The following DNAH1 variants were observed in gnomAD, a reference collection of about 807,000 sequenced individuals.
The protein encoded by DNAH1 is dynein axonemal heavy chain 1, also known as axonemal beta dynein heavy chain 1.
DNAH1 carries 327 observed loss-of-function variants against 484.3 expected under a neutral mutation model. The observed-to-expected ratio is 0.68, with a 90% CI of 0.62 to 0.74. The LOEUF (loss-of-function observed/expected upper bound fraction) is 0.74, where lower values mean the gene tolerates loss of function less well. Among genes scored for constraint, DNAH1 ranks in the 30% least tolerant of loss-of-function variants. The pLI, the probability that DNAH1 is intolerant of heterozygous loss-of-function variation, is 0.00. For synonymous variants in DNAH1, 2,192 were observed against 2,191.9 expected, an observed-to-expected ratio of 1.00 and a Z score of 0.00; for missense variants, 5,052 against 5,546.8, an observed-to-expected ratio of 0.91 and a Z score of 2.83.
In DNAH1 at chr3:52,388,840, G is replaced by A. The variant is rs1208923084; in HGVS notation, c.9398G>A (p.Trp3133Ter). Residue 3133 changes from tryptophan (W) to a stop codon, truncating the protein, a stop_gained, in exon 59 of 78, where the codon TGG (tryptophan) becomes TAG (stop). Transcript: ENST00000420323. LOFTEE classifies it high-confidence loss of function. The stretch of plus-strand genomic sequence containing the variant: ...GGGCTGTCGGATGAGAAGGTGCGCT[G>A]GCAGGAGACGGTGGAGAACCTGCAG... ...INGLSDEKVR[W>*]QETVENLQYM... 6.2e-7 allele frequency: 1 copy of A among 1,613,610 alleles called. No homozygotes were observed.
At chr3:52,393,549 A>G (rs928085604) in intron 66 of DNAH1, 64 bp downstream of exon 66, 13 of 1,590,746 alleles carry the variant, frequency 8.2e-6, no homozygotes, top group Middle Eastern at 3.4e-4. Context: ...GCCTGAGAAC[A>G]GGGTGGAAGG....
Position 52,331,241 on chromosome 3 carries a change from C to G in DNAH1, c.965C>G (p.Thr322Arg). Residue 322 changes from threonine (T) to arginine (R), a missense_variant, in exon 7 of 78, where the codon ACA becomes AGA. Around this residue, in one of 4 missense-constraint regions of DNAH1, gnomAD observed 1,263 missense variants for 1,218.8 expected, o/e 1.04. Transcript: ENST00000420323. Reference protein sequence around the residue: ...EEKKLYLVHKTDEKGLVRDEM... With the variant: ...EEKKLYLVHKRDEKGLVRDEM... Reference sequence around the variant, plus strand: ...AAGAAGCTATACCTGGTACACAAGACAGACGAGAAAGGCCTGGTGCGAGAT... The same window carrying G: ...AAGAAGCTATACCTGGTACACAAGAGAGACGAGAAAGGCCTGGTGCGAGAT... 1 of 1,611,486 alleles carries G rather than the reference C, an allele frequency of 6.2e-7. No individual in the cohort carries two copies. The highest frequency in any genetic ancestry group is 8.5e-7 in the Non-Finnish European group (1 of 1,178,908).
At position 52,366,790 on chromosome 3, in the gene DNAH1, G is replaced by C; in HGVS notation, c.5668G>C (p.Gly1890Arg). ...TSLKGQPSIS[G>R]GMYEAVNYYV... Reference sequence around the variant, plus strand: ...ACTGAAAGGGCAGCCATCCATCAGTGGTGGCATGTACGAGGCTGTCAACTA... The same window carrying C: ...ACTGAAAGGGCAGCCATCCATCAGTCGTGGCATGTACGAGGCTGTCAACTA... The change falls in exon 36 of 78, where the codon GGT becomes CGT. Residue 1890 changes from glycine (G) to arginine (R), a missense_variant. Transcript: ENST00000420323. 1 of 1,613,900 alleles carries C rather than the reference G, an allele frequency of 6.2e-7. No homozygotes were observed. Among genetic ancestry groups the C allele is most frequent in the Non-Finnish European group, 8.5e-7 (1 of 1,179,844 alleles).
At chr3:52,365,114 G>T in intron 34 of DNAH1, 95 bp downstream of exon 34, 3 of 1,472,480 alleles carry the variant, frequency 2.0e-6, no homozygotes, top group Non-Finnish European at 2.7e-6. Flanking sequence ...CCAACCCCAG[G>T]GGCCCTCACA....
chr3:52,361,170 C>T lies in DNAH1; in HGVS notation c.4692C>T (p.Tyr1564=). Residue 1564 remains tyrosine, a synonymous_variant, in exon 29 of 78, where the codon TAC becomes TAT. Coordinates refer to ENST00000420323, the MANE Select transcript of DNAH1 (RefSeq NM_015512.5). The surrounding 1 kb of genome is among the most constrained non-coding windows in gnomAD (Gnocchi z 5.6). The part of the protein sequence containing the change: ...LVITPLTDRC[Y]LTLTGALHLK... ...CCTCCTCTGTCTCCTGCAGGTGCTACCTGACACTGACCGGAGCTCTGCACC... is the reference window on the plus strand; with the variant it reads ...CCTCCTCTGTCTCCTGCAGGTGCTATCTGACACTGACCGGAGCTCTGCACC... 2 of 1,606,276 alleles carry T rather than the reference C, an allele frequency of 1.2e-6. No individual in the cohort carries two copies. The highest frequency in any genetic ancestry group is 1.1e-5 in the South Asian group (1 of 89,504).
chr3:52,354,816 C>T (rs762486485), intron 20 of DNAH1, 27 bp from the exon 21 acceptor site: 3 of 1,610,392 alleles, frequency 1.9e-6, no homozygotes, highest in African/African-American at 2.7e-5. Context: ...CCTCCCAGGA[C>T]TCAGCCTGGC....
chr3:52,339,024 A>G (rs2153223487), intron 8 of DNAH1, among the ~76,000 whole-genome samples: 1 of 151,622 alleles, frequency 6.6e-6, no homozygotes, highest in East Asian at 1.9e-4. Context: ...ACAGAGCCAG[A>G]CTCCGTCTAA....
chr3:52,359,227 G>A lies in DNAH1; in HGVS notation c.4267-19G>A. On this transcript the variant is annotated intron_variant, in intron 25 of 77. Transcript: ENST00000420323. ...GGGCTGCGGCTGTCCAGGTCAGCCT[G>A]CCCATGCTGTCTTCCCAGATGCCCA... is the stretch of plus-strand genomic sequence containing the variant. 1 of 1,559,630 alleles carries A rather than the reference G, an allele frequency of 6.4e-7. No homozygotes were observed. Among genetic ancestry groups the A allele is most frequent in the Non-Finnish European group, 8.7e-7 (1 of 1,151,314 alleles).
At position 52,370,843 on chromosome 3, in the gene DNAH1, C is replaced by G. The variant is rs566131371; in HGVS notation, c.6525+18C>G. On this transcript the variant is annotated intron_variant, in intron 41 of 77. Coordinates refer to ENST00000420323, the MANE Select transcript of DNAH1 (RefSeq NM_015512.5). ...ACAAGCAGGTGGCCGCAGGCCCTCCCCAGAGACTGCACAGGGAGGGACCAC... is the reference window on the plus strand; with the variant it reads ...ACAAGCAGGTGGCCGCAGGCCCTCCGCAGAGACTGCACAGGGAGGGACCAC... 7.6e-6 allele frequency: 12 copies of G among 1,573,124 alleles called. No individual in the cohort carries two copies. Among genetic ancestry groups the G allele is most frequent in the Non-Finnish European group, 1.0e-5 (12 of 1,159,936 alleles).
chr3:52,386,540 G>T, intron 55 of DNAH1, 122 bp from the exon 56 acceptor site: 1 of 1,292,904 alleles, frequency 7.7e-7, no homozygotes, highest in Non-Finnish European at 1.0e-6. Flanking sequence ...GTGGATCTCT[G>T]GATATGCCCG....
chr3:52,399,310 C>A, intron 76 of DNAH1, 109 bp downstream of exon 76: 2 of 1,209,872 alleles, frequency 1.7e-6, no homozygotes, highest in South Asian at 1.5e-5. Flanking sequence ...TAAGCCAGGG[C>A]ATGGAAAGAC....
chr3:52,360,494 A>G, intron 28 of DNAH1, 70 bp downstream of exon 28: 1 of 1,361,668 alleles, frequency 7.3e-7, no homozygotes. Context: ...CCAGGAATCC[A>G]GGGACCATGG....
chr3:52,346,391 C>A, intron 10 of DNAH1, 81 bp from the exon 11 acceptor site: 1 of 1,428,288 alleles, frequency 7.0e-7, no homozygotes, highest in South Asian at 1.4e-5. Context: ...CCCAAGCACC[C>A]TGGTGCATAG....
At chr3:52,344,801 C>T (rs1702080080) in intron 9 of DNAH1, among the ~76,000 whole-genome samples, 154 bp downstream of exon 9, 1 of 152,278 alleles carries the variant, frequency 6.6e-6, no homozygotes, top group Admixed American at 6.5e-5. Flanking sequence ...TGTCCCACTT[C>T]TCCCTGCTGC....
Position 52,392,688 on chromosome 3 carries a change from A to T in DNAH1, c.10277A>T (p.Gln3426Leu). 6.3e-7 allele frequency: 1 copy of T among 1,596,468 alleles called. No individual in the cohort carries two copies. Among genetic ancestry groups the T allele is most frequent in the Non-Finnish European group, 8.5e-7 (1 of 1,171,438 alleles). ...TCCAAGATGAAGGCTGCTGAGATCC[A>T]GGTCAGCTGCTGCCTGCCCACCCAC... ...EASKMKAAEIQAKVRIAEQTE... is the reference protein window; with the variant it reads ...EASKMKAAEILAKVRIAEQTE... Residue 3426 changes from glutamine to leucine, a missense_variant and splice_region_variant, in exon 64 of 78, where the codon CAG (glutamine) becomes CTG (leucine). Around this residue, in one of 4 missense-constraint regions of DNAH1, gnomAD observed 2,929 missense variants for 3,409.4 expected, o/e 0.86. Coordinates refer to ENST00000420323, the MANE Select transcript of DNAH1 (RefSeq NM_015512.5).
chr3:52,378,766 C>A lies in DNAH1; in HGVS notation c.7363C>A (p.Pro2455Thr). The A allele has an allele frequency of 6.2e-7, 1 of 1,613,668 alleles. No individual in the cohort carries two copies. Among genetic ancestry groups the A allele is most frequent in the African/African-American group, 1.3e-5 (1 of 75,040 alleles). ...KVFQGMLMADPAKVEDQVQLL... is the reference protein window; with the variant it reads ...KVFQGMLMADTAKVEDQVQLL... Reference sequence around the variant, plus strand: ...CTTCCAAGGCATGCTCATGGCTGACCCGGCCAAGGTCGAGGTGAGGACCAG... The same window carrying A: ...CTTCCAAGGCATGCTCATGGCTGACACGGCCAAGGTCGAGGTGAGGACCAG... Residue 2455 changes from proline (P) to threonine (T), a missense_variant, in exon 47 of 78, where the codon CCG becomes ACG. By Grantham distance (38) the Pro-to-Thr change is conservative (BLOSUM62 -1). Coordinates refer to ENST00000420323, the MANE Select transcript of DNAH1 (RefSeq NM_015512.5).
At position 52,398,806 on chromosome 3, in the gene DNAH1, G is replaced by C. The variant is rs1297261898; in HGVS notation, c.12090-44G>C. On this transcript the variant is annotated intron_variant, in intron 75 of 77. Transcript: ENST00000420323. ...AGCTGCGGAGCATAGCTACTGCCAC[G>C]TGACCCCAGCCCACTACCTATTCTC... 27 of 1,449,636 alleles carry C rather than the reference G, an allele frequency of 1.9e-5. No homozygotes were observed. In the Middle Eastern group the frequency reaches 1.3e-3, roughly 68 times the overall value. 89.8% of individuals were successfully genotyped at this position (1,449,636 alleles called of 1,614,324 possible). A position where few individuals can be genotyped will look rare whatever the true frequency, so the allele number is the denominator to read the frequency against.
At chr3:52,398,809 AC>A (rs1559578727) in intron 75 of DNAH1, 40 bp from the exon 76 acceptor site, 1 of 1,452,438 alleles carries the variant, frequency 6.9e-7, no homozygotes, top group East Asian at 2.4e-5. Flanking sequence ...CTGCCACGTG[AC>A]CCCAGCCCAC....
intron 22 of DNAH1, among the ~76,000 whole-genome samples, chr3:52,357,083 G>C (rs1168749179): frequency 2.7e-5 from 4 of 145,494 alleles, no homozygotes; most frequent in Non-Finnish European, 6.0e-5. Flanking sequence ...TGCCCAGGCT[G>C]GAGTGCCATG....
Sources: gnomAD v4.1 joint callset for allele counts (sites outside exome capture counted in the v4.1 genomes callset) on GRCh38, gnomAD v4.1.1 for gene constraint, gnomAD v4.1.1 regional missense constraint, Gnocchi (gnomAD v3.1) non-coding constraint, MANE v1.5 for transcripts, NCBI Gene and HGNC (gene_info 2026-07-23, HGNC 2026-07-21) for gene names.